ATP6V0A4: variants seen among roughly 807,000 people sequenced by gnomAD.
ATP6V0A4 encodes the protein V-type proton ATPase 116 kDa subunit a 4.
Under a neutral mutation model 107.3 loss-of-function variants are expected in ATP6V0A4, and 86 were observed. The ratio of observed to expected loss-of-function variants is 0.80; its 90% CI spans 0.67 to 0.96. The LOEUF is 0.96. ATP6V0A4 is among the 40% of genes least tolerant of loss of function. The pLI, the probability that ATP6V0A4 is intolerant of heterozygous loss-of-function variation, is 0.00. For synonymous variants in ATP6V0A4, 353 were observed against 381.4 expected (o/e 0.93, Z 0.87); for missense variants, 908 against 1,045.6 (o/e 0.87, Z 1.81).
chr7:138,780,809 G>A (rs1807883639), intron 2 of ATP6V0A4, among the ~76,000 whole-genome samples: 1 of 151,998 alleles, frequency 6.6e-6, no homozygotes, highest in Non-Finnish European at 1.5e-5. Context: ...GAAAGCTGAG[G>A]TGAGAGGATC....
intron 17 of ATP6V0A4, among the ~76,000 whole-genome samples, chr7:138,730,367 T>A (rs933111409): frequency 2.0e-5 from 3 of 147,710 alleles, no homozygotes; most frequent in African/African-American, 8.0e-5. Flanking sequence ...TGTGTGTGTG[T>A]GTGTGTGTGT....
At position 138,718,526 on chromosome 7, in the gene ATP6V0A4, G is replaced by A. The variant is rs1443328975; in HGVS notation, c.2140-2645C>T. 2.7e-5 allele frequency among the ~76,000 whole-genome samples: 4 copies of A among 147,194 alleles called. No homozygotes were observed. In the East Asian group the frequency reaches 8.3e-4, roughly 30 times the overall value. On this transcript the variant is annotated intron_variant, in intron 19 of 21. Transcript: ENST00000310018. ...CGGAGGGAGACGTCCAGGAAGGAATGGGGCGGGTGGTGCAGTCACCGATGT... is the reference window on the plus strand; with the variant it reads ...CGGAGGGAGACGTCCAGGAAGGAATAGGGCGGGTGGTGCAGTCACCGATGT...
At chr7:138,729,340 T>C (rs1024011718) in intron 17 of ATP6V0A4, among the ~76,000 whole-genome samples, 6 of 152,200 alleles carry the variant, frequency 3.9e-5, no homozygotes, top group Non-Finnish European at 8.8e-5. Context: ...TTTTGAGTCC[T>C]AGAAAATTAT....
intron 20 of ATP6V0A4, among the ~76,000 whole-genome samples, chr7:138,712,024 C>T (rs1485722020): frequency 1.3e-5 from 2 of 151,614 alleles, no homozygotes; most frequent in Non-Finnish European, 2.9e-5. Flanking sequence ...CTTCCAGCTC[C>T]CAGGTTCAAG....
intron 5 of ATP6V0A4, among the ~76,000 whole-genome samples, chr7:138,764,320 T>A (rs1806981544): frequency 6.6e-6 from 1 of 152,094 alleles, no homozygotes. Context: ...AGACACATGG[T>A]GTGTGCTGAT....
intron 2 of ATP6V0A4, among the ~76,000 whole-genome samples, chr7:138,771,687 A>T (rs1807397936): frequency 6.7e-6 from 1 of 150,348 alleles, no homozygotes. Flanking sequence ...TGGCACAAAC[A>T]TGACTCACTG....
In ATP6V0A4 at chr7:138,715,895, T is replaced by C; in HGVS notation, c.2140-14A>G. 4 of 1,611,688 alleles carry C rather than the reference T, an allele frequency of 2.5e-6. No individual in the cohort carries two copies. In the South Asian group the frequency reaches 4.4e-5, roughly 18 times the overall value. On this transcript the variant is annotated splice_polypyrimidine_tract_variant and intron_variant, in intron 19 of 21. Coordinates refer to ENST00000310018, the MANE Select transcript of ATP6V0A4 (RefSeq NM_020632.3). ...TCCAAAGTTGAACTGAAAGACGGAA[T>C]TGTTTATTTTACTTCATTGAGAATT...
intron 15 of ATP6V0A4, among the ~76,000 whole-genome samples, chr7:138,738,400 G>C (rs1805454945): frequency 1.3e-5 from 2 of 152,134 alleles, no homozygotes; most frequent in South Asian, 4.1e-4. Context: ...GGAGAGACGA[G>C]ACCATTGGAG....
Position 138,773,671 on chromosome 7 carries a change from G to A in ATP6V0A4, c.-17-2407C>T, listed in dbSNP as rs979787473. 24 of 152,310 alleles carry A rather than the reference G, an allele frequency of 1.6e-4. No homozygotes were observed. The highest frequency in any genetic ancestry group is 5.6e-4 in the African/African-American group (23 of 41,438). The allele number at this position is 152,310 out of a possible 1,614,324, so 9.4% of individuals were successfully genotyped here. A position where few individuals can be genotyped will look rare whatever the true frequency, so the allele number is the denominator to read the frequency against. On this transcript the variant is annotated intron_variant, in intron 2 of 21. Transcript: ENST00000310018. This position sits in a 1 kb window ranked among gnomAD's most constrained non-coding sequence, Gnocchi z 5.4. ...CCCTCAGGAAGTGCACATGGTCTGG[G>A]CCCACATTTGTGCCTTTTGACACCA...
chr7:138,720,894 C>T (rs2117210037), intron 19 of ATP6V0A4, among the ~76,000 whole-genome samples: 1 of 152,254 alleles, frequency 6.6e-6, no homozygotes, highest in South Asian at 2.1e-4. Flanking sequence ...GCCTTGGCCT[C>T]CCAAAGTGCT....
Position 138,706,386 on chromosome 7 carries a change from T to C in ATP6V0A4, c.*238A>G. ...CATTCTCCCCTCATTTGTCAATTACTTTATTATTTGAGAATTAATACCCCA... is the reference window on the plus strand; with the variant it reads ...CATTCTCCCCTCATTTGTCAATTACCTTATTATTTGAGAATTAATACCCCA... On this transcript the variant is annotated 3_prime_UTR_variant, in exon 22 of 22. Coordinates refer to ENST00000310018, the MANE Select transcript of ATP6V0A4 (RefSeq NM_020632.3). 1 of 533,744 alleles carries C rather than the reference T, an allele frequency of 1.9e-6. No individual in the cohort carries two copies. Among genetic ancestry groups the C allele is most frequent in the Non-Finnish European group, 3.4e-6 (1 of 295,206 alleles). 33.1% of individuals were successfully genotyped at this position (533,744 alleles called of 1,614,324 possible).
intron 7 of ATP6V0A4, among the ~76,000 whole-genome samples, chr7:138,762,110 A>G (rs1165033652): frequency 6.6e-6 from 1 of 152,182 alleles, no homozygotes; most frequent in Non-Finnish European, 1.5e-5. Context: ...CAATATAAAC[A>G]TTGCAGTCTT....
At chr7:138,776,705 G>A (rs1807673373) in intron 2 of ATP6V0A4, among the ~76,000 whole-genome samples, 1 of 152,178 alleles carries the variant, frequency 6.6e-6, no homozygotes, top group Non-Finnish European at 1.5e-5. Context: ...AAGAGTACAC[G>A]TACCTAATGG....
At chr7:138,771,524 C>T (rs138562499) in intron 2 of ATP6V0A4, among the ~76,000 whole-genome samples, 53 of 152,024 alleles carry the variant, frequency 3.5e-4, no homozygotes, top group Middle Eastern at 6.8e-3. Flanking sequence ...ATCTCAGCCT[C>T]CTGAATAGCG....
chr7:138,762,671 C>T lies in ATP6V0A4; in HGVS notation c.417+229G>A, dbSNP rs183313491. Among the ~76,000 whole-genome samples, 429 of 152,234 alleles carry T rather than the reference C, an allele frequency of 2.8e-3. 3 individuals carry two copies. Among genetic ancestry groups the T allele is most frequent in the Middle Eastern group, 0.014 (4 of 294 alleles). Reference sequence around the variant, plus strand: ...GCTTGGTTCTGACTTCTCTTTCTGCCTGAGCCATTTTCAGCACATACATTT... The same window carrying T: ...GCTTGGTTCTGACTTCTCTTTCTGCTTGAGCCATTTTCAGCACATACATTT... On this transcript the variant is annotated intron_variant, in intron 6 of 21. Coordinates refer to ENST00000310018, the MANE Select transcript of ATP6V0A4 (RefSeq NM_020632.3).
At chr7:138,724,611 A>G (rs1381113958) in intron 18 of ATP6V0A4, among the ~76,000 whole-genome samples, 2 of 152,118 alleles carry the variant, frequency 1.3e-5, no homozygotes, top group Admixed American at 1.3e-4. Flanking sequence ...GCTGTCCCCA[A>G]CACCTTGTGG....
chr7:138,796,225 G>A (rs867939572), intron 1 of ATP6V0A4, among the ~76,000 whole-genome samples: 1 of 152,066 alleles, frequency 6.6e-6, no homozygotes, highest in Non-Finnish European at 1.5e-5. Flanking sequence ...TCCCCACACC[G>A]AGAGCCTGGC....
chr7:138,728,861 T>C lies in ATP6V0A4; in HGVS notation c.1910A>G (p.Gln637Arg), dbSNP rs115222479. 6.7e-5 allele frequency: 108 copies of C among 1,614,142 alleles called. No homozygotes were observed. The African/African-American group carries it at 1.3e-3, about 19-fold the overall frequency. Residue 637 changes from glutamine (Q) to arginine (R), a missense_variant and splice_region_variant, in exon 18 of 22, where the codon CAA becomes CGA. Physicochemically the swap from Gln to Arg is conservative, Grantham distance 43. Coordinates refer to ENST00000310018, the MANE Select transcript of ATP6V0A4 (RefSeq NM_020632.3). ...SSNAPLYKHQ[Q>R]EVQSFFVVMA... ...AACCACAAAGAAACTTTGGACTTCT[T>C]GCTGCAAGACCAAAATGGCGAGATC...
At chr7:138,763,771 A>G (rs9640923) in intron 5 of ATP6V0A4, among the ~76,000 whole-genome samples, 58,975 of 151,698 alleles carry the variant, frequency 0.39, 11,966 homozygotes, top group East Asian at 0.62. Context: ...GATCACTTGA[A>G]GTCAGGAGTT....
Sources: gnomAD v4.1 joint callset for allele counts (sites outside exome capture counted in the v4.1 genomes callset) on GRCh38, gnomAD v4.1.1 for gene constraint, Gnocchi (gnomAD v3.1) non-coding constraint, MANE v1.5 for transcripts, NCBI Gene and HGNC (gene_info 2026-07-23, HGNC 2026-07-21) for gene names.